The following RCAN2 variants were observed in gnomAD, a reference collection of about 807,000 sequenced individuals.
RCAN2 encodes calcipressin-2.
A neutral mutation model predicts 23.6 loss-of-function variants in RCAN2; 9 were observed. That is an observed-to-expected ratio of 0.38 (90% CI 0.23 to 0.67). RCAN2 has a LOEUF of 0.67. Among genes scored for constraint, RCAN2 ranks in the 30% least tolerant of loss-of-function variants. The pLI, the probability that RCAN2 is intolerant of heterozygous loss-of-function variation, is 0.51. For missense variants in RCAN2, 273 were observed against 302.3 expected, an observed-to-expected ratio of 0.90 and a Z score of 0.72; for synonymous variants, 109 against 115.7, an observed-to-expected ratio of 0.94 and a Z score of 0.37.
intron 2 of RCAN2, among the ~76,000 whole-genome samples, chr6:46,450,374 A>C (rs546413860): frequency 6.6e-6 from 1 of 152,210 alleles, no homozygotes; most frequent in South Asian, 2.1e-4. Context: ...CTATTATGGA[A>C]AACAGTATGG....
Position 46,287,490 on chromosome 6 carries a change from T to A in RCAN2, c.226-38594A>T, listed in dbSNP as rs142470218. ...CCCCACTTCCCAAAATACACACACGTCTTCCACTCTTAGATTACTTGTACA... is the reference window on the plus strand; with the variant it reads ...CCCCACTTCCCAAAATACACACACGACTTCCACTCTTAGATTACTTGTACA... On this transcript the variant is annotated intron_variant, in intron 2 of 4. Transcript: ENST00000371374. 5.4e-3 allele frequency among the ~76,000 whole-genome samples: 826 copies of A among 152,300 alleles called. 4 individuals are homozygous for A. Among genetic ancestry groups the A allele is most frequent in the African/African-American group, 0.018 (761 of 41,570 alleles).
chr6:46,474,722 T>A (rs1451154812), intron 1 of RCAN2, among the ~76,000 whole-genome samples: 1 of 152,210 alleles, frequency 6.6e-6, no homozygotes, highest in Non-Finnish European at 1.5e-5. Flanking sequence ...TGCTGAAGAC[T>A]AAGAAATAAC....
chr6:46,411,209 A>T (rs1231738296), intron 2 of RCAN2, among the ~76,000 whole-genome samples: 3 of 152,236 alleles, frequency 2.0e-5, no homozygotes, highest in African/African-American at 7.2e-5. Flanking sequence ...AAAATCTGAC[A>T]CACGTTACAA....
rs114198994 is a variant in RCAN2, at chr6:46,288,557, T to C, written c.226-39661A>G. 5.4e-3 allele frequency among the ~76,000 whole-genome samples: 827 copies of C among 152,366 alleles called. 5 individuals are homozygous for C. The highest frequency in any genetic ancestry group is 0.018 in the African/African-American group (762 of 41,590). ...AGGCTAAACAGACTAGTAACTATTG[T>C]TCCCCTCCTATCTAAACATATTCAA... On this transcript the variant is annotated intron_variant, in intron 2 of 4. Coordinates refer to ENST00000371374, the MANE Select transcript of RCAN2 (RefSeq NM_001251974.2).
chr6:46,262,425 A>G (rs188038352), intron 2 of RCAN2, among the ~76,000 whole-genome samples: 143 of 152,138 alleles, frequency 9.4e-4, no homozygotes, highest in Admixed American at 2.2e-3. Context: ...CCAAAAATCA[A>G]CCTTGGAAGC....
At chr6:46,392,461 A>C (rs1229979127) in intron 2 of RCAN2, among the ~76,000 whole-genome samples, 1 of 152,148 alleles carries the variant, frequency 6.6e-6, no homozygotes, top group Non-Finnish European at 1.5e-5. Context: ...ACAAATATTG[A>C]TTGTCCACAT....
At chr6:46,408,841 C>T (rs566188861) in intron 2 of RCAN2, among the ~76,000 whole-genome samples, 1 of 152,138 alleles carries the variant, frequency 6.6e-6, no homozygotes, top group East Asian at 1.9e-4. Flanking sequence ...AAATATCATC[C>T]TTCCATGGAT....
intron 2 of RCAN2, among the ~76,000 whole-genome samples, chr6:46,407,098 A>G (rs1766427148): frequency 6.6e-6 from 1 of 152,206 alleles, no homozygotes; most frequent in African/African-American, 2.4e-5. Context: ...TTCAGGGGCT[A>G]TTTTCCTAGT....
intron 2 of RCAN2, among the ~76,000 whole-genome samples, chr6:46,449,447 T>C (rs1254663873): frequency 6.6e-6 from 1 of 151,368 alleles, no homozygotes; most frequent in Non-Finnish European, 1.5e-5. Context: ...ATAGATTCAG[T>C]GCAATCTCTA....
chr6:46,297,494 G>A (rs753844884), intron 2 of RCAN2, among the ~76,000 whole-genome samples: 2 of 151,998 alleles, frequency 1.3e-5, no homozygotes, highest in Non-Finnish European at 2.9e-5. Flanking sequence ...CAGTCCGGGT[G>A]GGTAGAATAG....
chr6:46,289,017 G>A lies in RCAN2; in HGVS notation c.226-40121C>T, dbSNP rs569113845. Among the ~76,000 whole-genome samples the A allele has an allele frequency of 3.3e-5, 5 of 152,320 alleles. No individual in the cohort carries two copies. In the South Asian group the frequency reaches 1.0e-3, roughly 32 times the overall value. On this transcript the variant is annotated intron_variant, in intron 2 of 4. Coordinates refer to ENST00000371374, the MANE Select transcript of RCAN2 (RefSeq NM_001251974.2). The stretch of plus-strand genomic sequence containing the variant: ...CACATGTGAGACTTGCCTATTTAAA[G>A]CAGAACTATTTCTGTCATGGGGCTA...
chr6:46,302,264 C>G (rs892429287), intron 2 of RCAN2, among the ~76,000 whole-genome samples: 7 of 152,030 alleles, frequency 4.6e-5, no homozygotes, highest in African/African-American at 1.7e-4. Flanking sequence ...GCAGGGTGAG[C>G]TGACTTTGGG....
chr6:46,490,831 C>G (rs1334030526), intron 1 of RCAN2, among the ~76,000 whole-genome samples: 1 of 152,112 alleles, frequency 6.6e-6, no homozygotes, highest in Non-Finnish European at 1.5e-5. Flanking sequence ...CGCTCCTTCA[C>G]TTATGCACCT....
chr6:46,232,669 T>C (rs1765937927), intron 4 of RCAN2, among the ~76,000 whole-genome samples: 1 of 151,318 alleles, frequency 6.6e-6, no homozygotes, highest in Admixed American at 6.6e-5. Flanking sequence ...GGTGCATGCC[T>C]GAAGTCCCAG....
rs973222431 is a variant in RCAN2, at chr6:46,392,958, G to T, written c.225+63794C>A. On this transcript the variant is annotated intron_variant, in intron 2 of 4. Transcript: ENST00000371374. The stretch of plus-strand genomic sequence containing the variant: ...AGGTCTAGTATATTAAAGGAAAACT[G>T]AAACTTTTCAAAAATATAAAGGCCA... Among the ~76,000 whole-genome samples the T allele has an allele frequency of 3.3e-5, 5 of 152,200 alleles. No individual in the cohort carries two copies. In the East Asian group the frequency reaches 9.6e-4, roughly 29 times the overall value.
chr6:46,414,181 T>C (rs905896377), intron 2 of RCAN2, among the ~76,000 whole-genome samples: 10 of 152,216 alleles, frequency 6.6e-5, no homozygotes, highest in Non-Finnish European at 1.3e-4. Context: ...ATTCTAAATA[T>C]ATTTAATAAG....
At position 46,418,695 on chromosome 6, in the gene RCAN2, G is replaced by GTATATATATATATATATA. The variant is rs70996369; in HGVS notation, c.225+38039_225+38056dup. 2.5e-4 allele frequency among the ~76,000 whole-genome samples: 30 copies of GTATATATATATATATATA among 121,344 alleles called. 1 individual carries two copies. Among genetic ancestry groups the GTATATATATATATATATA allele is most frequent in the South Asian group, 8.8e-4 (3 of 3,412 alleles). 79.6% of individuals were successfully genotyped at this position (121,344 alleles called of 152,430 possible). A position where few individuals can be genotyped will look rare whatever the true frequency, so the allele number is the denominator to read the frequency against. ...AATCATCTCTAAAATATGTGTGTGT[G>GTATATATATATATATATA]TATATATATATATATATATATATAT... On this transcript the variant is annotated intron_variant, in intron 2 of 4. Coordinates refer to ENST00000371374, the MANE Select transcript of RCAN2 (RefSeq NM_001251974.2).
chr6:46,282,437 A>G (rs1762223265), intron 2 of RCAN2, among the ~76,000 whole-genome samples: 1 of 151,386 alleles, frequency 6.6e-6, no homozygotes, highest in Non-Finnish European at 1.5e-5. Flanking sequence ...AGATCGTGCC[A>G]CTGCACTCCA....
At chr6:46,343,542 AT>A (rs1325650331) in intron 2 of RCAN2, among the ~76,000 whole-genome samples, 3 of 151,862 alleles carry the variant, frequency 2.0e-5, no homozygotes, top group Non-Finnish European at 4.4e-5. Flanking sequence ...CGCCCAGCTA[AT>A]TTTTTGTATT....
Sources: gnomAD v4.1 joint callset for allele counts (sites outside exome capture counted in the v4.1 genomes callset) on GRCh38, gnomAD v4.1.1 for gene constraint, MANE v1.5 for transcripts, NCBI Gene and HGNC (gene_info 2026-07-23, HGNC 2026-07-21) for gene names.